The following GNG2 variants were observed in gnomAD, a reference collection of about 807,000 sequenced individuals.
The protein encoded by GNG2 is guanine nucleotide-binding protein G(I)/G(S)/G(O) subunit gamma-2.
Under a neutral mutation model 5.5 loss-of-function variants are expected in GNG2, and 5 were observed. The ratio of observed to expected loss-of-function variants is 0.91; its 90% CI spans 0.48 to 1.92. The LOEUF is 1.92. Among genes scored for constraint, GNG2 ranks in the 30% most tolerant of loss-of-function variants. The probability of loss-of-function intolerance (pLI) is 0.01; values close to 1 mark genes in which losing one functional copy is unlikely to be tolerated. For missense variants in GNG2, 55 were observed against 88.4 expected, an observed-to-expected ratio of 0.62 and a Z score of 1.52; for synonymous variants, 28 against 32.0, an observed-to-expected ratio of 0.88 and a Z score of 0.42.
chr14:51,908,090 A>T (rs1223419473), intron 2 of GNG2, among the ~76,000 whole-genome samples: 1 of 152,230 alleles, frequency 6.6e-6, no homozygotes, highest in East Asian at 1.9e-4. Flanking sequence ...CCTCACAAAG[A>T]TGCAGTTAAG....
chr14:51,829,916 C>T (rs1165911063), intron 2 of GNG2, among the ~76,000 whole-genome samples: 1 of 151,334 alleles, frequency 6.6e-6, no homozygotes, highest in Non-Finnish European at 1.5e-5. Context: ...GATCTCAGCT[C>T]CCTGCAACTT....
At chr14:51,929,824 G>A (rs1486884110) in intron 2 of GNG2, among the ~76,000 whole-genome samples, 1 of 152,150 alleles carries the variant, frequency 6.6e-6, no homozygotes, top group Admixed American at 6.5e-5. Context: ...AACAGTTGTG[G>A]CGCAGGCTGC....
chr14:51,868,768 G>A (rs759284875), intron 1 of GNG2, among the ~76,000 whole-genome samples: 3 of 152,120 alleles, frequency 2.0e-5, no homozygotes, highest in Admixed American at 6.5e-5. Context: ...GCAGCTTTTC[G>A]ATAAACTTTG....
chr14:51,885,251 CAATT>C (rs988000608), intron 2 of GNG2, among the ~76,000 whole-genome samples: 1 of 152,032 alleles, frequency 6.6e-6, no homozygotes, highest in African/African-American at 2.4e-5. Flanking sequence ...ATGTAAATAT[CAATT>C]GAGATAATGA....
At chr14:51,914,262 A>G in intron 2 of GNG2, 1 of 702,304 alleles carries the variant, frequency 1.4e-6, no homozygotes, top group Non-Finnish European at 2.6e-6. Flanking sequence ...TAAAACGGAC[A>G]AGCCAGACCA....
chr14:51,924,804 G>A (rs774581781), intron 2 of GNG2, among the ~76,000 whole-genome samples: 1 of 152,202 alleles, frequency 6.6e-6, no homozygotes, highest in Non-Finnish European at 1.5e-5. Context: ...TTAGCATCTA[G>A]AAAACATCCT....
At chr14:51,961,014 C>G (rs929490836) in intron 3 of GNG2, among the ~76,000 whole-genome samples, 2 of 152,164 alleles carry the variant, frequency 1.3e-5, no homozygotes, top group South Asian at 2.1e-4. Context: ...CTGCTATTCT[C>G]TCCTCAACTC....
intron 2 of GNG2, among the ~76,000 whole-genome samples, chr14:51,832,216 G>C (rs12883632): frequency 0.27 from 40,239 of 151,676 alleles, 6,443 homozygotes; most frequent in Non-Finnish European, 0.36. Context: ...GGAGTTCAAG[G>C]CTGCAGTAAG....
intron 2 of GNG2, among the ~76,000 whole-genome samples, chr14:51,878,592 C>A (rs1883834231): frequency 6.6e-6 from 1 of 152,164 alleles, no homozygotes; most frequent in Non-Finnish European, 1.5e-5. Flanking sequence ...AGTCATCCAT[C>A]CATTTACGCA....
chr14:51,903,293 G>T (rs1216414255), intron 2 of GNG2, among the ~76,000 whole-genome samples: 1 of 152,170 alleles, frequency 6.6e-6, no homozygotes, highest in African/African-American at 2.4e-5. Flanking sequence ...TTAAACAGAA[G>T]CACACAGAAA....
intron 3 of GNG2, among the ~76,000 whole-genome samples, chr14:51,953,163 C>A (rs1443272227): frequency 6.6e-6 from 1 of 152,152 alleles, no homozygotes; most frequent in South Asian, 2.1e-4. Context: ...TTATTAGGTC[C>A]TTTAAAAAGT....
Position 51,918,251 on chromosome 14 carries a change from C to T in GNG2, c.-29-32399C>T, listed in dbSNP as rs565429654. Among the ~76,000 whole-genome samples, 3 of 152,282 alleles carry T rather than the reference C, an allele frequency of 2.0e-5. No individual in the cohort carries two copies. In the East Asian group the frequency reaches 5.8e-4, roughly 29 times the overall value. ...CATGTTACCACGCTGTCTTCATGCCCGTGGTAAAGAGCTGCACTGTCTCCA... is the reference window on the plus strand; with the variant it reads ...CATGTTACCACGCTGTCTTCATGCCTGTGGTAAAGAGCTGCACTGTCTCCA... On this transcript the variant is annotated intron_variant, in intron 2 of 3. Coordinates refer to ENST00000556766, the MANE Select transcript of GNG2 (RefSeq NM_053064.5).
intron 3 of GNG2, among the ~76,000 whole-genome samples, chr14:51,951,442 A>G (rs1013799812): frequency 6.6e-6 from 1 of 152,190 alleles, no homozygotes; most frequent in Non-Finnish European, 1.5e-5. Context: ...CTTGGCCAAT[A>G]TGCTGTCGTT....
chr14:51,909,523 TGTACTTGGCA>T (rs1179671190), intron 2 of GNG2, among the ~76,000 whole-genome samples: 4 of 152,182 alleles, frequency 2.6e-5, no homozygotes, highest in Non-Finnish European at 5.9e-5. Flanking sequence ...GGCATGGTGT[TGTACTTGGCA>T]GAGGAGTTTA....
chr14:51,941,435 T>C (rs1888311464), intron 2 of GNG2, among the ~76,000 whole-genome samples: 1 of 152,224 alleles, frequency 6.6e-6, no homozygotes, highest in South Asian at 2.1e-4. Flanking sequence ...ATTGCCAATG[T>C]AATCCTAACT....
rs557929215 is a variant in GNG2 at position 51,938,234 on chromosome 14, C to T, written c.-29-12416C>T. 5.9e-5 allele frequency among the ~76,000 whole-genome samples: 9 copies of T among 152,302 alleles called. No homozygotes were observed. The East Asian group carries it at 1.2e-3, about 20-fold the overall frequency. ...AAAAAATTTCCCCCGCTTAGGATTG[C>T]TCATGAAGTTCTTGCTTAATAGAGT... is the stretch of plus-strand genomic sequence containing the variant. On this transcript the variant is annotated intron_variant, in intron 2 of 3. Transcript: ENST00000556766.
chr14:51,827,616 G>A, intron 1 of GNG2: 5 of 677,090 alleles, frequency 7.4e-6, no homozygotes, highest in Non-Finnish European at 1.3e-5. Context: ...AATAATTAAA[G>A]CTGTGATTAG....
At chr14:51,880,967 GAAAAAAAAAA>G (rs11463019) in intron 2 of GNG2, among the ~76,000 whole-genome samples, 5 of 101,984 alleles carry the variant, frequency 4.9e-5, no homozygotes, top group South Asian at 7.2e-4. Flanking sequence ...CAAAAAAAAA[GAAAAAAAAAA>G]AAAAAAAAAA....
intron 2 of GNG2, among the ~76,000 whole-genome samples, chr14:51,890,185 A>G (rs1051865833): frequency 4.7e-4 from 71 of 152,242 alleles, no homozygotes; most frequent in Non-Finnish European, 8.8e-4. Context: ...CTGGTGAAAC[A>G]CTGCCTTATT....
Sources: gnomAD v4.1 joint callset for allele counts (sites outside exome capture counted in the v4.1 genomes callset) on GRCh38, gnomAD v4.1.1 for gene constraint, MANE v1.5 for transcripts, NCBI Gene and HGNC (gene_info 2026-07-23, HGNC 2026-07-21) for gene names.